Variants in PHOSPHO1 observed in about 807,000 individuals in gnomAD.
PHOSPHO1 encodes phosphoethanolamine/phosphocholine phosphatase.
A neutral mutation model predicts 17.7 loss-of-function variants in PHOSPHO1; 6 were observed. The ratio of observed to expected loss-of-function variants is 0.34; its 90% CI spans 0.19 to 0.67. PHOSPHO1 has a LOEUF of 0.67. Among genes scored for constraint, PHOSPHO1 ranks in the 30% least tolerant of loss-of-function variants. The pLI, the probability that PHOSPHO1 is intolerant of heterozygous loss-of-function variation, is 0.69. For synonymous variants in PHOSPHO1, 159 were observed against 174.6 expected (o/e 0.91, Z 0.71); for missense variants, 330 against 392.1 (o/e 0.84, Z 1.34).
In PHOSPHO1 at chr17:49,224,624, G is replaced by A; in HGVS notation, c.426C>T (p.Phe142=). The change falls in exon 3 of 3, where the codon TTC becomes TTT. Residue 142 remains phenylalanine (F), a synonymous_variant. Transcript: ENST00000310544. ...SLRAAGHHSL[F]RRILSNPSGP... ...CCGACGGGTTGCTGAGGATGCGGCG[G>A]AACAGGCTGTGGTGGCCGGCGGCGC... The A allele has an allele frequency of 6.3e-7, 1 of 1,582,310 alleles. No homozygotes were observed. The highest frequency in any genetic ancestry group is 8.5e-7 in the Non-Finnish European group (1 of 1,170,012).
intron 2 of PHOSPHO1, 127 bp from the exon 3 acceptor site, chr17:49,225,131 C>T: frequency 1.4e-6 from 2 of 1,438,742 alleles, no homozygotes; most frequent in Non-Finnish European, 1.8e-6. Flanking sequence ...ACATCCAACA[C>T]CTGAGGAGGA....
chr17:49,229,411 A>C (rs1427157592), intron 1 of PHOSPHO1, among the ~76,000 whole-genome samples: 1 of 152,156 alleles, frequency 6.6e-6, no homozygotes, highest in Non-Finnish European at 1.5e-5. Context: ...CCCACCTAAA[A>C]GCAGTGCCTG....
chr17:49,225,236 A>G, intron 2 of PHOSPHO1: 1 of 1,418,214 alleles, frequency 7.1e-7, no homozygotes, highest in South Asian at 1.6e-5. Flanking sequence ...AGTTAACTGC[A>G]GTGGGGTTTA....
At chr17:49,225,926 A>G in intron 2 of PHOSPHO1, 1 of 1,089,054 alleles carries the variant, frequency 9.2e-7, no homozygotes, top group Non-Finnish European at 1.2e-6. Flanking sequence ...AGACTGCTGG[A>G]CAGGAAGACA....
Position 49,223,988 on chromosome 17 carries a change from C to A in PHOSPHO1, c.*258G>T. 1 of 431,892 alleles carries A rather than the reference C, an allele frequency of 2.3e-6. No homozygotes were observed. Among genetic ancestry groups the A allele is most frequent in the Non-Finnish European group, 3.9e-6 (1 of 253,220 alleles). 26.8% of individuals were successfully genotyped at this position (431,892 alleles called of 1,614,324 possible). On this transcript the variant is annotated 3_prime_UTR_variant, in exon 3 of 3. Transcript: ENST00000310544. The stretch of plus-strand genomic sequence containing the variant: ...ATACTGCTGCCTTCCAAGGTTTGCG[C>A]GCCACCCCGCGATGGGTCAGACTCC...
At position 49,224,569 on chromosome 17, in the gene PHOSPHO1, G is replaced by T; in HGVS notation, c.481C>A (p.Arg161=). 6.4e-7 allele frequency: 1 copy of T among 1,562,882 alleles called. No individual in the cohort carries two copies. ...GCGCAGCTGTGTGTGTGGAACGGCC[G>T]CAGAGCCAGCAGTCCCCGCGCATCC... ...GPDARGLLAL[R]PFHTHSCARC... The change falls in exon 3 of 3, where the codon CGG becomes AGG. Residue 161 remains arginine (R), a synonymous_variant. Transcript: ENST00000310544.
chr17:49,228,451 G>A (rs984026769), intron 1 of PHOSPHO1, among the ~76,000 whole-genome samples: 5 of 152,064 alleles, frequency 3.3e-5, no homozygotes, highest in Admixed American at 2.6e-4. Flanking sequence ...AAGTCTAGGA[G>A]TTTGAGACCA....
chr17:49,228,990 A>AACTCCTCATCCC (rs2043388320), intron 1 of PHOSPHO1: 1 of 20,218 alleles, frequency 4.9e-5, no homozygotes, highest in African/African-American at 1.4e-4. Context: ...ACACACACAC[A>AACTCCTCATCCC]CAAAACTCCT....
chr17:49,227,147 G>T lies in PHOSPHO1; in HGVS notation c.-67-389C>A, dbSNP rs1325012767. ...GTCATGAATTCAGCCAATGAGAAGG[G>T]CTCAGAGAGGTTAACTAACCAGCCA... On this transcript the variant is annotated intron_variant, in intron 1 of 2. Coordinates refer to ENST00000310544, the MANE Select transcript of PHOSPHO1 (RefSeq NM_178500.4). Among the ~76,000 whole-genome samples the T allele has an allele frequency of 2.0e-5, 3 of 152,184 alleles. No homozygotes were observed. In the East Asian group the frequency reaches 5.8e-4, roughly 29 times the overall value.
chr17:49,224,900 C>T lies in PHOSPHO1; in HGVS notation c.150G>A (p.Ala50=). ...GGCTCTCCGGGAGCCGCTGGCCCGG[C>T]GCGGCGCGCACGATCGAATCGTCGC... is the stretch of plus-strand genomic sequence containing the variant. ...ENSDDSIVRA[A]PGQRLPESLR... The change falls in exon 3 of 3, where the codon GCG becomes GCA. Residue 50 remains alanine (A), a synonymous_variant. Transcript: ENST00000310544. The T allele has an allele frequency of 6.2e-7, 1 of 1,601,396 alleles. No individual in the cohort carries two copies. The highest frequency in any genetic ancestry group is 8.5e-7 in the Non-Finnish European group (1 of 1,175,056).
chr17:49,230,399 CA>C (rs1189124142), intron 1 of PHOSPHO1, 68 bp downstream of exon 1: 6 of 152,600 alleles, frequency 3.9e-5, no homozygotes, highest in Non-Finnish European at 5.8e-5. Flanking sequence ...GGAGCGCCTT[CA>C]AACTCCACAG....
chr17:49,225,372 G>A (rs2043343648), intron 2 of PHOSPHO1: 1 of 985,292 alleles, frequency 1.0e-6, no homozygotes, highest in Non-Finnish European at 1.2e-6. Context: ...TTCTGGACTG[G>A]ACTGTTTTGG....
At chr17:49,228,557 G>A (rs971171804) in intron 1 of PHOSPHO1, among the ~76,000 whole-genome samples, 9 of 151,980 alleles carry the variant, frequency 5.9e-5, no homozygotes, top group Admixed American at 3.9e-4. Flanking sequence ...TTGGGAGGCC[G>A]AGGCAGGCGA....
At chr17:49,229,663 C>T (rs2043393737) in intron 1 of PHOSPHO1, among the ~76,000 whole-genome samples, 1 of 152,134 alleles carries the variant, frequency 6.6e-6, no homozygotes, top group African/African-American at 2.4e-5. Context: ...AGAAAGACCA[C>T]AGTAACAAGC....
chr17:49,226,276 C>A (rs963608402), intron 2 of PHOSPHO1, among the ~76,000 whole-genome samples: 5 of 152,006 alleles, frequency 3.3e-5, no homozygotes, highest in African/African-American at 1.2e-4. Flanking sequence ...CTCTCATATT[C>A]CTGGTGTGCT....
intron 2 of PHOSPHO1, chr17:49,225,616 T>C: frequency 7.7e-7 from 1 of 1,292,568 alleles, no homozygotes; most frequent in Non-Finnish European, 1.0e-6. Context: ...TTCGGGGAGT[T>C]TTAGGGCCCT....
chr17:49,228,787 C>CAAAAAAA (rs71144585), intron 1 of PHOSPHO1, among the ~76,000 whole-genome samples: 1 of 78,828 alleles, frequency 1.3e-5, no homozygotes. Flanking sequence ...GACTCCGTCT[C>CAAAAAAA]AAAAAAAAAA....
rs1324298963 is a variant in PHOSPHO1, at chr17:49,226,636, G to A, written c.45+11C>T. The A allele has an allele frequency of 1.2e-6, 2 of 1,614,020 alleles. No homozygotes were observed. Among genetic ancestry groups the A allele is most frequent in the South Asian group, 2.2e-5 (2 of 91,072 alleles). On this transcript the variant is annotated intron_variant, in intron 2 of 2. Coordinates refer to ENST00000310544, the MANE Select transcript of PHOSPHO1 (RefSeq NM_178500.4). ...CCTCATCCTAGGAGACCCCTGGAGG[G>A]ACCCACTTACCCTAGATAGGCAGCG... is the stretch of plus-strand genomic sequence containing the variant.
intron 2 of PHOSPHO1, chr17:49,225,446 C>T (rs1168335378): frequency 1.0e-6 from 1 of 985,262 alleles, no homozygotes; most frequent in African/African-American, 1.7e-5. Flanking sequence ...TCTCCCCTCC[C>T]TCATTCCCTG....
Sources: gnomAD v4.1 joint callset for allele counts (sites outside exome capture counted in the v4.1 genomes callset) on GRCh38, gnomAD v4.1.1 for gene constraint, MANE v1.5 for transcripts, NCBI Gene and HGNC (gene_info 2026-07-23, HGNC 2026-07-21) for gene names.